The following CEMIP variants were observed in gnomAD, a reference collection of about 807,000 sequenced individuals.
CEMIP encodes the protein cell migration inducing hyaluronidase 1.
In CEMIP, 105 loss-of-function variants were observed where a neutral mutation model predicts 156.9. The ratio of observed to expected loss-of-function variants is 0.67; its 90% CI spans 0.57 to 0.79. The LOEUF (loss-of-function observed/expected upper bound fraction) is 0.79, where lower values mean the gene tolerates loss of function less well. Among genes scored for constraint, CEMIP ranks in the 30% least tolerant of loss-of-function variants. CEMIP has a pLI of 0.00. For synonymous variants in CEMIP, 676 were observed against 668.4 expected, an observed-to-expected ratio of 1.01 and a Z score of -0.17; for missense variants, 1,457 against 1,769.4, an observed-to-expected ratio of 0.82 and a Z score of 3.17.
intron 2 of CEMIP, 52 bp from the exon 3 acceptor site, chr15:80,873,812 T>C: frequency 7.4e-7 from 1 of 1,352,188 alleles, no homozygotes; most frequent in Non-Finnish European, 1.0e-6. Context: ...CCCTGTATAC[T>C]GATTCCAGCC....
In CEMIP at chr15:80,782,024, G is replaced by GA. The variant is rs138814870; in HGVS notation, c.-176+2419dup. On this transcript the variant is annotated intron_variant, in intron 1 of 29. Coordinates refer to ENST00000394685, the MANE Select transcript of CEMIP (RefSeq NM_001293298.2). ...TGAAAATGCTGGAGTTGATCACAAT[G>GA]AAAAAAAAATTCTTATTTAAAGACA... 5.5e-3 allele frequency among the ~76,000 whole-genome samples: 841 copies of GA among 151,642 alleles called. 12 individuals carry two copies. The highest frequency in any genetic ancestry group is 0.019 in the African/African-American group (776 of 41,256).
chr15:80,815,295 A>G (rs1896764911), intron 1 of CEMIP, among the ~76,000 whole-genome samples: 1 of 152,254 alleles, frequency 6.6e-6, no homozygotes, highest in Non-Finnish European at 1.5e-5. Flanking sequence ...TGCCTGGCCC[A>G]ATTCCCAGTG....
chr15:80,866,419 A>G (rs1898126974), intron 1 of CEMIP, among the ~76,000 whole-genome samples: 1 of 151,944 alleles, frequency 6.6e-6, no homozygotes, highest in African/African-American at 2.4e-5. Context: ...GTGAAACCCC[A>G]TCTCTACTGA....
At chr15:80,918,086 G>A (rs929883163) in intron 14 of CEMIP, among the ~76,000 whole-genome samples, 1 of 152,078 alleles carries the variant, frequency 6.6e-6, no homozygotes, top group Non-Finnish European at 1.5e-5. Flanking sequence ...ACCAGCCTGG[G>A]CAACATGGTG....
chr15:80,905,488 T>C (rs1233546579), intron 12 of CEMIP, among the ~76,000 whole-genome samples: 1 of 152,158 alleles, frequency 6.6e-6, no homozygotes, highest in Non-Finnish European at 1.5e-5. Context: ...TGCACCGTTC[T>C]TGAGATGCAT....
chr15:80,850,030 G>A (rs963239180), intron 1 of CEMIP, among the ~76,000 whole-genome samples: 11 of 152,204 alleles, frequency 7.2e-5, no homozygotes, highest in Middle Eastern at 3.2e-3. Context: ...AACAAGACTG[G>A]AGCATAGTGA....
At chr15:80,839,289 A>AGTGTGTGT (rs34172431) in intron 1 of CEMIP, among the ~76,000 whole-genome samples, 7,146 of 131,092 alleles carry the variant, frequency 0.055, 279 homozygotes, top group African/African-American at 0.091. Context: ...CAAGGCCGTG[A>AGTGTGTGT]GTGTGTGTGT....
chr15:80,895,112 T>C lies in CEMIP; in HGVS notation c.1209T>C (p.Cys403=), dbSNP rs766137681. The C allele has an allele frequency of 6.2e-6, 10 of 1,614,042 alleles. No individual in the cohort carries two copies. The highest frequency in any genetic ancestry group is 5.1e-6 in the Non-Finnish European group (6 of 1,180,020). The part of the protein sequence containing the change: ...ACRSYRVRFL[C]GKPVRPKLTV... ...GGAGCTACCGTGTACGGTTCCTCTG[T>C]GGGAAGCCTGGTAAGCAGCCCCTTG... Residue 403 remains cysteine, a synonymous_variant, in exon 11 of 30, where the codon TGT becomes TGC. Transcript: ENST00000394685.
chr15:80,808,501 C>T (rs985838935), intron 1 of CEMIP, among the ~76,000 whole-genome samples: 4 of 152,088 alleles, frequency 2.6e-5, no homozygotes, highest in Admixed American at 2.6e-4. Flanking sequence ...TCTACCTGTA[C>T]CACACCTGTG....
intron 1 of CEMIP, among the ~76,000 whole-genome samples, chr15:80,823,086 C>T (rs1176958043): frequency 9.9e-5 from 15 of 151,666 alleles, no homozygotes; most frequent in Admixed American, 4.6e-4. Context: ...AACAACAACC[C>T]GCAATCCTTT....
At chr15:80,805,284 CAGA>C (rs1896487271) in intron 1 of CEMIP, among the ~76,000 whole-genome samples, 1 of 152,334 alleles carries the variant, frequency 6.6e-6, no homozygotes, top group South Asian at 2.1e-4. Context: ...AAGGAATACA[CAGA>C]AGAAGATGAT....
intron 23 of CEMIP, among the ~76,000 whole-genome samples, chr15:80,934,436 A>AT (rs1258003677): frequency 6.6e-6 from 1 of 152,204 alleles, no homozygotes; most frequent in African/African-American, 2.4e-5. Context: ...AGCTATTATT[A>AT]TATTATTGTT....
intron 14 of CEMIP, among the ~76,000 whole-genome samples, chr15:80,911,414 T>C (rs1310652560): frequency 6.6e-6 from 1 of 152,220 alleles, no homozygotes; most frequent in Non-Finnish European, 1.5e-5. Flanking sequence ...TTAGCTTAAA[T>C]TCACCTACAT....
chr15:80,841,498 AC>A (rs1171997687), intron 1 of CEMIP, among the ~76,000 whole-genome samples: 3 of 152,334 alleles, frequency 2.0e-5, no homozygotes, highest in African/African-American at 7.2e-5. Flanking sequence ...GTTGGTACAG[AC>A]ATGGGGGAAG....
At chr15:80,880,331 T>C (rs1898606394) in intron 5 of CEMIP, among the ~76,000 whole-genome samples, 1 of 152,234 alleles carries the variant, frequency 6.6e-6, no homozygotes. Flanking sequence ...TAGAACTGAA[T>C]GGAAAACATG....
At chr15:80,914,763 T>A (rs1900201202) in intron 14 of CEMIP, among the ~76,000 whole-genome samples, 1 of 152,238 alleles carries the variant, frequency 6.6e-6, no homozygotes, top group Non-Finnish European at 1.5e-5. Flanking sequence ...TTCCTGCTAC[T>A]TAGACAGAGC....
intron 17 of CEMIP, 102 bp downstream of exon 17, chr15:80,922,239 C>T: frequency 6.9e-7 from 1 of 1,449,558 alleles, no homozygotes; most frequent in Middle Eastern, 1.9e-4. Flanking sequence ...CAGCTGGGAA[C>T]AACTGCATTC....
chr15:80,882,404 G>A (rs1361098839), intron 6 of CEMIP, among the ~76,000 whole-genome samples: 1 of 152,216 alleles, frequency 6.6e-6, no homozygotes, highest in Non-Finnish European at 1.5e-5. Flanking sequence ...TTGGAGATGG[G>A]ATTCAAACCC....
rs149632116 is a variant in CEMIP at position 80,904,940 on chromosome 15, G to A, written c.1412-1723G>A. Among the ~76,000 whole-genome samples the A allele has an allele frequency of 1.9e-3, 283 of 152,218 alleles. 1 individual carries two copies. Among genetic ancestry groups the A allele is most frequent in the Non-Finnish European group, 2.9e-3 (194 of 68,028 alleles). On this transcript the variant is annotated intron_variant, in intron 12 of 29. Coordinates refer to ENST00000394685, the MANE Select transcript of CEMIP (RefSeq NM_001293298.2). The stretch of plus-strand genomic sequence containing the variant: ...AGATATTTTCTCAAATTTGCCCTGC[G>A]TCAATTTCACATCTTGAATAAGATA...
Sources: gnomAD v4.1 joint callset for allele counts (sites outside exome capture counted in the v4.1 genomes callset) on GRCh38, gnomAD v4.1.1 for gene constraint, MANE v1.5 for transcripts, NCBI Gene and HGNC (gene_info 2026-07-23, HGNC 2026-07-21) for gene names.